PTGER1: variants seen among roughly 807,000 people sequenced by gnomAD.
The protein encoded by PTGER1 is prostaglandin E2 receptor EP1 subtype.
Under a neutral mutation model 18.5 loss-of-function variants are expected in PTGER1, and 15 were observed. The ratio of observed to expected loss-of-function variants is 0.81; its 90% confidence interval spans 0.54 to 1.25. The LOEUF is 1.25. Among genes scored for constraint, PTGER1 ranks in the 50% most tolerant of loss-of-function variants. The probability of loss-of-function intolerance (pLI) is 0.00; values close to 1 mark genes in which losing one functional copy is unlikely to be tolerated. For missense variants in PTGER1, 567 were observed against 603.4 expected, an observed-to-expected ratio of 0.94 and a Z score of 0.63; for synonymous variants, 339 against 308.4, an observed-to-expected ratio of 1.10 and a Z score of -1.04.
chr19:14,473,877 C>A lies in PTGER1; in HGVS notation c.444G>T (p.Arg148=). 7.9e-7 allele frequency: 1 copy of A among 1,269,678 alleles called. No homozygotes were observed. The highest frequency in any genetic ancestry group is 2.5e-5 in the South Asian group (1 of 39,674). 78.7% of individuals were successfully genotyped at this position (1,269,678 alleles called of 1,614,324 possible). A position where few individuals can be genotyped will look rare whatever the true frequency, so the allele number is the denominator to read the frequency against. Residue 148 remains arginine, a synonymous_variant, in exon 2 of 3, where the codon CGG becomes CGT. Transcript: ENST00000292513. This position sits in a 1 kb window ranked among gnomAD's most constrained non-coding sequence, Gnocchi z 7.1. ...CCAGGCGCGCGCGGGCGACCGAGACCCGCGCGGCGTGGAGCAGCGGCCGCG... is the reference window on the plus strand; with the variant it reads ...CCAGGCGCGCGCGGGCGACCGAGACACGCGCGGCGTGGAGCAGCGGCCGCG... ...GVTRPLLHAA[R]VSVARARLAL...
At chr19:14,472,877 C>G (rs1305861275) in intron 2 of PTGER1, 51 bp from the exon 3 acceptor site, 1 of 1,494,262 alleles carries the variant, frequency 6.7e-7, no homozygotes, top group Non-Finnish European at 8.9e-7. Context: ...CGCAGGGGGG[C>G]GCAGGGATGG....
Position 14,474,262 on chromosome 19 carries a change from G to T in PTGER1, c.59C>A (p.Ala20Glu), listed in dbSNP as rs34361082. 5 of 1,530,380 alleles carry T rather than the reference G, an allele frequency of 3.3e-6. No individual in the cohort carries two copies. In the African/African-American group the frequency reaches 5.5e-5, roughly 17 times the overall value. 94.8% of individuals were successfully genotyped at this position (1,530,380 alleles called of 1,614,324 possible). A position where few individuals can be genotyped will look rare whatever the true frequency, so the allele number is the denominator to read the frequency against. The change falls in exon 2 of 3, where the codon GCG (alanine) becomes GAG (glutamate). Residue 20 changes from alanine to glutamate, a missense_variant. Physicochemically the swap from Ala to Glu is moderately radical, Grantham distance 107. Coordinates refer to ENST00000292513, the MANE Select transcript of PTGER1 (RefSeq NM_000955.3). The surrounding 1 kb of genome is among the most constrained non-coding windows in gnomAD (Gnocchi z 5.4). Reference sequence around the variant, plus strand: ...GGCCGACGTGTTGGGGACCCAGGGCGCCGCGCATGTGGTCGCCTCGCCCGC... The same window carrying T: ...GGCCGACGTGTTGGGGACCCAGGGCTCCGCGCATGTGGTCGCCTCGCCCGC... The part of the protein sequence containing the change: ...SLAGEATTCA[A>E]PWVPNTSAVP...
rs1423832167 is a variant in PTGER1 at position 14,473,194 on chromosome 19, G to A, written c.942+185C>T. 6.6e-6 allele frequency among the ~76,000 whole-genome samples: 1 copy of A among 152,166 alleles called. No homozygotes were observed. The highest frequency in any genetic ancestry group is 1.5e-5 in the Non-Finnish European group (1 of 68,020). On this transcript the variant is annotated intron_variant, in intron 2 of 2. Transcript: ENST00000292513. The surrounding 1 kb of genome is among the most constrained non-coding windows in gnomAD (Gnocchi z 7.1). ...AAAAGGAAGAGGAGAGGGGGGCTAGGAGGAAGGATGGGAGGTCAGATGGAG... is the reference window on the plus strand; with the variant it reads ...AAAAGGAAGAGGAGAGGGGGGCTAGAAGGAAGGATGGGAGGTCAGATGGAG...
In PTGER1 at chr19:14,473,248, G is replaced by T; in HGVS notation, c.942+131C>A. 1 of 1,442,218 alleles carries T rather than the reference G, an allele frequency of 6.9e-7. No individual in the cohort carries two copies. Among genetic ancestry groups the T allele is most frequent in the Non-Finnish European group, 9.1e-7 (1 of 1,096,682 alleles). 89.3% of individuals were successfully genotyped at this position (1,442,218 alleles called of 1,614,324 possible). A position where few individuals can be genotyped will look rare whatever the true frequency, so the allele number is the denominator to read the frequency against. ...GCGATGCTGGCTTTCGGGGCAGGTGGGGCCTCTAGGGGCCGGGGCCTTGGT... is the reference window on the plus strand; with the variant it reads ...GCGATGCTGGCTTTCGGGGCAGGTGTGGCCTCTAGGGGCCGGGGCCTTGGT... On this transcript the variant is annotated intron_variant, in intron 2 of 2. Coordinates refer to ENST00000292513, the MANE Select transcript of PTGER1 (RefSeq NM_000955.3). The surrounding 1 kb of genome is among the most constrained non-coding windows in gnomAD (Gnocchi z 7.1).
chr19:14,472,880 A>G, intron 2 of PTGER1, 54 bp from the exon 3 acceptor site: 1 of 1,495,168 alleles, frequency 6.7e-7, no homozygotes, highest in Non-Finnish European at 8.9e-7. Flanking sequence ...AGGGGGGCGC[A>G]GGGATGGTGG....
rs2071590573 is a variant in PTGER1 at position 14,473,903 on chromosome 19, T to A, written c.418A>T (p.Thr140Ser). ...GMAVERCVGV[T>S]RPLLHAARVS... ...CGCGCGGCGTGGAGCAGCGGCCGCG[T>A]GACGCCCACGCAGCGCTCCACGGCC... Residue 140 changes from threonine to serine, a missense_variant, in exon 2 of 3, where the codon ACG (threonine) becomes TCG (serine). Coordinates refer to ENST00000292513, the MANE Select transcript of PTGER1 (RefSeq NM_000955.3). The surrounding 1 kb of genome is among the most constrained non-coding windows in gnomAD (Gnocchi z 7.1). 5.9e-6 allele frequency: 8 copies of A among 1,356,120 alleles called. No individual in the cohort carries two copies. Among genetic ancestry groups the A allele is most frequent in the Non-Finnish European group, 7.6e-6 (8 of 1,057,112 alleles). The allele number at this position is 1,356,120 out of a possible 1,614,324, so 84.0% of individuals were successfully genotyped here.
At position 14,474,384 on chromosome 19, in the gene PTGER1, G is replaced by A. The variant is rs2071596191; in HGVS notation, c.-17-47C>T. The stretch of plus-strand genomic sequence containing the variant: ...AGAGTGAGGCTGGCTGGGCCCGGGC[G>A]GGGACCAGCCCACGGTGCCATCTCA... On this transcript the variant is annotated intron_variant, in intron 1 of 2. Transcript: ENST00000292513. The surrounding 1 kb of genome is among the most constrained non-coding windows in gnomAD (Gnocchi z 5.4). 2.1e-6 allele frequency: 3 copies of A among 1,431,236 alleles called. No individual in the cohort carries two copies. Among genetic ancestry groups the A allele is most frequent in the East Asian group, 2.9e-5 (1 of 34,712 alleles). The allele number at this position is 1,431,236 out of a possible 1,614,324, so 88.7% of individuals were successfully genotyped here. A position where few individuals can be genotyped will look rare whatever the true frequency, so the allele number is the denominator to read the frequency against.
rs775779721 is a variant in PTGER1, at chr19:14,474,834, C to A, written c.-18+428G>T. Among the ~76,000 whole-genome samples, 1 of 152,186 alleles carries A rather than the reference C, an allele frequency of 6.6e-6. No individual in the cohort carries two copies. Among genetic ancestry groups the A allele is most frequent in the South Asian group, 2.1e-4 (1 of 4,830 alleles). On this transcript the variant is annotated intron_variant, in intron 1 of 2. Coordinates refer to ENST00000292513, the MANE Select transcript of PTGER1 (RefSeq NM_000955.3). This position sits in a 1 kb window ranked among gnomAD's most constrained non-coding sequence, Gnocchi z 5.4. The stretch of plus-strand genomic sequence containing the variant: ...ACCACCACGGGCACATCTCTCCCCA[C>A]GGCCATGTCCCTGTCCCCCATGGAC...
In PTGER1 at chr19:14,474,101, G is replaced by A; in HGVS notation, c.220C>T (p.Leu74=). The stretch of plus-strand genomic sequence containing the variant: ...GCCAGCAGGCTGGCCACGAACAGCA[G>A]GAAGGTGGCGGCCGAGCGGCGGCGT... The part of the protein sequence containing the change: ...LRRRRSAATF[L]LFVASLLATD... Residue 74 remains leucine (L), a synonymous_variant, in exon 2 of 3, where the codon CTG becomes TTG. Transcript: ENST00000292513. The surrounding 1 kb of genome is among the most constrained non-coding windows in gnomAD (Gnocchi z 5.4). 1.4e-6 allele frequency: 2 copies of A among 1,469,732 alleles called. No homozygotes were observed. The highest frequency in any genetic ancestry group is 1.5e-5 in the African/African-American group (1 of 67,524). The allele number at this position is 1,469,732 out of a possible 1,614,324, so 91.0% of individuals were successfully genotyped here. A position where few individuals can be genotyped will look rare whatever the true frequency, so the allele number is the denominator to read the frequency against.
At position 14,472,870 on chromosome 19, in the gene PTGER1, A is replaced by AG. The variant is rs565082126; in HGVS notation, c.943-45dup. 7.3e-6 allele frequency: 11 copies of AG among 1,505,376 alleles called. No individual in the cohort carries two copies. The South Asian group carries it at 1.1e-4, about 15-fold the overall frequency. The allele number at this position is 1,505,376 out of a possible 1,614,324, so 93.3% of individuals were successfully genotyped here. On this transcript the variant is annotated intron_variant, in intron 2 of 2. Transcript: ENST00000292513. ...TGAGCTATAGAGCAGGCGCGGGCGC[A>AG]GGGGGGCGCAGGGATGGTGGGGGCG...
intron 1 of PTGER1, among the ~76,000 whole-genome samples, chr19:14,475,045 C>T (rs887461800): frequency 2.6e-5 from 4 of 152,214 alleles, no homozygotes; most frequent in Non-Finnish European, 1.5e-5. Context: ...GGCGGCCCCA[C>T]GACCATCCAC....
rs1161974331 is a variant in PTGER1 at position 14,473,064 on chromosome 19, A to G, written c.943-238T>C. Reference sequence around the variant, plus strand: ...TCTCAGGTGTCCCGGAAAGAGGAAAAGCAAGGGGGTTGGGTGAAAGGACTA... The same window carrying G: ...TCTCAGGTGTCCCGGAAAGAGGAAAGGCAAGGGGGTTGGGTGAAAGGACTA... On this transcript the variant is annotated intron_variant, in intron 2 of 2. Transcript: ENST00000292513. This position sits in a 1 kb window ranked among gnomAD's most constrained non-coding sequence, Gnocchi z 7.1. 6.6e-6 allele frequency among the ~76,000 whole-genome samples: 1 copy of G among 151,914 alleles called. No individual in the cohort carries two copies. Among genetic ancestry groups the G allele is most frequent in the Non-Finnish European group, 1.5e-5 (1 of 67,968 alleles).
At position 14,473,736 on chromosome 19, in the gene PTGER1, CG is replaced by C; in HGVS notation, c.584del (p.Pro195ArgfsTer187). On this transcript the variant is annotated frameshift_variant, in exon 2 of 3. Transcript: ENST00000292513. LOFTEE classifies it high-confidence loss of function. The surrounding 1 kb of genome is among the most constrained non-coding windows in gnomAD (Gnocchi z 7.1). ...CAAGCAGTGCCTGGCGCCAGCCGCC[CG>C]GGGGACCCAGGCCGATGAAGCACCA... ...GTWCFIGLGP[P>X]GGWRQALLAG... 5 of 1,459,242 alleles carry C rather than the reference CG, an allele frequency of 3.4e-6. No individual in the cohort carries two copies. The highest frequency in any genetic ancestry group is 5.0e-5 in the Admixed American group (2 of 40,266). The allele number at this position is 1,459,242 out of a possible 1,614,324, so 90.4% of individuals were successfully genotyped here. A position where few individuals can be genotyped will look rare whatever the true frequency, so the allele number is the denominator to read the frequency against.
chr19:14,474,200 A>T lies in PTGER1; in HGVS notation c.121T>A (p.Phe41Ile), dbSNP rs758743017. The change falls in exon 2 of 3, where the codon TTC becomes ATC. Residue 41 changes from phenylalanine (F) to isoleucine (I), a missense_variant. Physicochemically the swap from Phe to Ile is conservative, Grantham distance 21. Coordinates refer to ENST00000292513, the MANE Select transcript of PTGER1 (RefSeq NM_000955.3). The surrounding 1 kb of genome is among the most constrained non-coding windows in gnomAD (Gnocchi z 5.4). ...GACACGGCGCCCAGCGTCATGGAGA[A>T]GATGGGCAGCGCGGGCGAAGCGCCC... ...PSGASPALPI[F>I]SMTLGAVSNL... is the part of the protein sequence containing the mutation. The T allele has an allele frequency of 1.4e-5, 21 of 1,523,846 alleles. No individual in the cohort carries two copies. The highest frequency in any genetic ancestry group is 2.0e-5 in the Admixed American group (1 of 50,140). The allele number at this position is 1,523,846 out of a possible 1,614,324, so 94.4% of individuals were successfully genotyped here.
chr19:14,473,645 C>T lies in PTGER1; in HGVS notation c.676G>A (p.Gly226Ser), dbSNP rs1599339584. Residue 226 changes from glycine (G) to serine (S), a missense_variant, in exon 2 of 3, where the codon GGC (glycine) becomes AGC (serine). Coordinates refer to ENST00000292513, the MANE Select transcript of PTGER1 (RefSeq NM_000955.3). This position sits in a 1 kb window ranked among gnomAD's most constrained non-coding sequence, Gnocchi z 7.1. Reference sequence around the variant, plus strand: ...CAGCGGGCGCGTAGCAGGGCCAGGCCGCTGAGCGTGTTGCACACCAGCGCG... The same window carrying T: ...CAGCGGGCGCGTAGCAGGGCCAGGCTGCTGAGCGTGTTGCACACCAGCGCG... ...LAALVCNTLS[G>S]LALLRARWRR... The T allele has an allele frequency of 6.8e-7, 1 of 1,480,572 alleles. No homozygotes were observed. The highest frequency in any genetic ancestry group is 8.9e-7 in the Non-Finnish European group (1 of 1,123,512). The allele number at this position is 1,480,572 out of a possible 1,614,324, so 91.7% of individuals were successfully genotyped here.
In PTGER1 at chr19:14,473,776, T is replaced by C; in HGVS notation, c.545A>G (p.Gln182Arg). ...GATGAAGCACCACGTGCCCGGGTACTGCAGCTCATAGCGGCCCACGCGCGC... is the reference window on the plus strand; with the variant it reads ...GATGAAGCACCACGTGCCCGGGTACCGCAGCTCATAGCGGCCCACGCGCGC... ...PLARVGRYELQYPGTWCFIGL... is the reference protein window; with the variant it reads ...PLARVGRYELRYPGTWCFIGL... Residue 182 changes from glutamine (Q) to arginine (R), a missense_variant, in exon 2 of 3, where the codon CAG (glutamine) becomes CGG (arginine). Coordinates refer to ENST00000292513, the MANE Select transcript of PTGER1 (RefSeq NM_000955.3). This position sits in a 1 kb window ranked among gnomAD's most constrained non-coding sequence, Gnocchi z 7.1. 6.9e-7 allele frequency: 1 copy of C among 1,450,292 alleles called. No individual in the cohort carries two copies. The highest frequency in any genetic ancestry group is 2.4e-4 in the Middle Eastern group (1 of 4,138). The allele number at this position is 1,450,292 out of a possible 1,614,324, so 89.8% of individuals were successfully genotyped here.
In PTGER1 at chr19:14,473,395, C is replaced by G; in HGVS notation, c.926G>C (p.Cys309Ser). ...LVGIMVVSCI[C>S]WSPMLVLVAL... ...GCCCCTCACCAGCATTGGGCTCCAG[C>G]AGATGCACGACACCACCATGATACC... The change falls in exon 2 of 3, where the codon TGC (cysteine) becomes TCC (serine). Residue 309 changes from cysteine (C) to serine (S), a missense_variant. Physicochemically the swap from Cys to Ser is moderately radical, Grantham distance 112. Coordinates refer to ENST00000292513, the MANE Select transcript of PTGER1 (RefSeq NM_000955.3). This position sits in a 1 kb window ranked among gnomAD's most constrained non-coding sequence, Gnocchi z 7.1. 3 of 1,591,918 alleles carry G rather than the reference C, an allele frequency of 1.9e-6. No homozygotes were observed. Among genetic ancestry groups the G allele is most frequent in the Non-Finnish European group, 2.6e-6 (3 of 1,172,554 alleles).
rs891306235 is a variant in PTGER1 at position 14,474,721 on chromosome 19, T to C, written c.-17-384A>G. ...GGCCTGTGGCTCCATCTGATAGCTC[T>C]CACCCATTTCTGCCACTGTGGCCCT... On this transcript the variant is annotated intron_variant, in intron 1 of 2. Transcript: ENST00000292513. The surrounding 1 kb of genome is among the most constrained non-coding windows in gnomAD (Gnocchi z 5.4). Among the ~76,000 whole-genome samples the C allele has an allele frequency of 3.9e-5, 6 of 151,934 alleles. No homozygotes were observed. Among genetic ancestry groups the C allele is most frequent in the Admixed American group, 6.6e-5 (1 of 15,260 alleles).
chr19:14,473,549 G>C lies in PTGER1; in HGVS notation c.772C>G (p.Pro258Ala), dbSNP rs2146449663. ...GCGGACGAGGCGGAGGCCGAGCGGGGTCCGTGCGCCCCCCAGCGACGCCGG... is the reference window on the plus strand; with the variant it reads ...GCGGACGAGGCGGAGGCCGAGCGGGCTCCGTGCGCCCCCCAGCGACGCCGG... Reference protein sequence around the residue: ...DSRRRWGAHGPRSASASSASS... With the variant: ...DSRRRWGAHGARSASASSASS... Residue 258 changes from proline to alanine, a missense_variant, in exon 2 of 3, where the codon CCC becomes GCC. Physicochemically the swap from Pro to Ala is conservative, Grantham distance 27. Coordinates refer to ENST00000292513, the MANE Select transcript of PTGER1 (RefSeq NM_000955.3). This position sits in a 1 kb window ranked among gnomAD's most constrained non-coding sequence, Gnocchi z 7.1. 1 of 1,537,636 alleles carries C rather than the reference G, an allele frequency of 6.5e-7. No individual in the cohort carries two copies. Among genetic ancestry groups the C allele is most frequent in the South Asian group, 1.2e-5 (1 of 84,058 alleles).
Sources: allele counts gnomAD v4.1 joint callset (sites outside exome capture counted in the v4.1 genomes callset), GRCh38; gene constraint gnomAD v4.1.1; non-coding constraint Gnocchi (gnomAD v3.1); transcripts MANE v1.5; gene names NCBI Gene and HGNC (gene_info 2026-07-23, HGNC 2026-07-21).